CSMD1: variants seen among roughly 807,000 people sequenced by gnomAD.
CSMD1 encodes CUB and sushi domain-containing protein 1.
Under a neutral mutation model 417.5 loss-of-function variants are expected in CSMD1, and 213 were observed. That is an observed-to-expected ratio of 0.51 (90% CI 0.46 to 0.57). The LOEUF (loss-of-function observed/expected upper bound fraction) is 0.57. CSMD1 is among the 20% of genes least tolerant of loss of function. The pLI is 0.00. For missense variants in CSMD1, 6,923 were observed against 4,529.7 expected, an observed-to-expected ratio of 1.53 and a Z score of -15.17; for synonymous variants, 2,862 against 1,736.8, an observed-to-expected ratio of 1.65 and a Z score of -16.11.
chr8:3,614,813 T>A (rs1216396337), intron 8 of CSMD1, among the ~76,000 whole-genome samples: 1 of 152,140 alleles, frequency 6.6e-6, no homozygotes, highest in African/African-American at 2.4e-5. Flanking sequence ...ACACTCTCCA[T>A]TCTGGAGACG....
intron 30 of CSMD1, among the ~76,000 whole-genome samples, chr8:3,213,799 C>T (rs951117554): frequency 1.8e-4 from 27 of 150,314 alleles, no homozygotes; most frequent in African/African-American, 6.1e-4. Flanking sequence ...ATGTATGAGA[C>T]TCCATCTCAT....
chr8:3,186,615 A>G (rs577373246), intron 36 of CSMD1, among the ~76,000 whole-genome samples: 1 of 152,306 alleles, frequency 6.6e-6, no homozygotes, highest in East Asian at 1.9e-4. Flanking sequence ...TATTTTCTTT[A>G]TGTTTTTTAA....
chr8:4,109,753 G>A (rs1801754972), intron 3 of CSMD1, among the ~76,000 whole-genome samples: 1 of 152,140 alleles, frequency 6.6e-6, no homozygotes, highest in South Asian at 2.1e-4. Flanking sequence ...AAAGTGTCAT[G>A]TAACATAAGA....
chr8:4,839,955 T>G (rs551223568), intron 1 of CSMD1, among the ~76,000 whole-genome samples: 12 of 152,092 alleles, frequency 7.9e-5, no homozygotes, highest in Non-Finnish European at 1.3e-4. Flanking sequence ...AGACCAAAAG[T>G]CTTCAGTGTT....
intron 3 of CSMD1, among the ~76,000 whole-genome samples, chr8:4,387,994 A>G (rs537349663): frequency 2.0e-5 from 3 of 152,192 alleles, no homozygotes; most frequent in South Asian, 2.1e-4. Flanking sequence ...ATCATGTTAA[A>G]CACATAATTG....
intron 3 of CSMD1, among the ~76,000 whole-genome samples, chr8:4,283,340 C>T (rs775493439): frequency 2.0e-5 from 3 of 152,136 alleles, no homozygotes; most frequent in Non-Finnish European, 2.9e-5. Flanking sequence ...CACTGCTGCC[C>T]TGTATAAATG....
At chr8:4,676,508 C>T (rs889474507) in intron 1 of CSMD1, among the ~76,000 whole-genome samples, 5 of 152,174 alleles carry the variant, frequency 3.3e-5, no homozygotes, top group South Asian at 4.1e-4. Flanking sequence ...TTTTGCCTTC[C>T]GAATATATCT....
chr8:3,373,137 A>C (rs967882349), intron 18 of CSMD1, among the ~76,000 whole-genome samples: 3 of 152,224 alleles, frequency 2.0e-5, no homozygotes, highest in Non-Finnish European at 2.9e-5. Context: ...TAAACTGATA[A>C]AATTAATTCA....
chr8:4,672,835 G>C (rs562079274), intron 1 of CSMD1, among the ~76,000 whole-genome samples: 21 of 151,774 alleles, frequency 1.4e-4, no homozygotes, highest in African/African-American at 4.8e-4. Flanking sequence ...ACACACTCCC[G>C]TATGTAGTGA....
chr8:3,414,687 G>T (rs1813018059), intron 12 of CSMD1, among the ~76,000 whole-genome samples: 1 of 152,170 alleles, frequency 6.6e-6, no homozygotes, highest in Non-Finnish European at 1.5e-5. Context: ...GAACATCGCT[G>T]TTTTCTCCTA....
intron 3 of CSMD1, among the ~76,000 whole-genome samples, chr8:4,260,465 T>A (rs1017514773): frequency 2.6e-5 from 4 of 152,148 alleles, no homozygotes; most frequent in African/African-American, 7.2e-5. Flanking sequence ...GGGATGTTAG[T>A]GAACATTGTT....
At chr8:3,368,007 C>T (rs780783600) in intron 19 of CSMD1, among the ~76,000 whole-genome samples, 8 of 152,108 alleles carry the variant, frequency 5.3e-5, no homozygotes, top group African/African-American at 1.2e-4. Flanking sequence ...GTTTTAGATG[C>T]CCGTAAAGCA....
At chr8:4,987,152 A>G (rs1399750290) in intron 1 of CSMD1, among the ~76,000 whole-genome samples, 2 of 152,166 alleles carry the variant, frequency 1.3e-5, no homozygotes, top group Non-Finnish European at 2.9e-5. Flanking sequence ...ATTACCTGGG[A>G]TGGGCGTGGG....
intron 3 of CSMD1, among the ~76,000 whole-genome samples, chr8:4,380,075 T>C (rs942151753): frequency 5.9e-5 from 9 of 152,204 alleles, no homozygotes; most frequent in African/African-American, 1.9e-4. Flanking sequence ...AGATAAATGA[T>C]TGGGATAAAA....
At chr8:4,103,803 G>A (rs866454930) in intron 3 of CSMD1, among the ~76,000 whole-genome samples, 3 of 152,034 alleles carry the variant, frequency 2.0e-5, no homozygotes, top group African/African-American at 7.2e-5. Context: ...TGACAGAAAG[G>A]GTAAATTCCA....
chr8:3,257,867 C>T (rs559285230), intron 26 of CSMD1, among the ~76,000 whole-genome samples: 1 of 152,122 alleles, frequency 6.6e-6, no homozygotes, highest in East Asian at 1.9e-4. Context: ...ACTCAGTGAT[C>T]CAGGGGCCAT....
chr8:4,136,543 G>T (rs1026607423), intron 3 of CSMD1, among the ~76,000 whole-genome samples: 1 of 152,156 alleles, frequency 6.6e-6, no homozygotes, highest in Non-Finnish European at 1.5e-5. Context: ...ATGACTCTCA[G>T]CAAAAGATGC....
intron 1 of CSMD1, among the ~76,000 whole-genome samples, chr8:4,924,813 T>C (rs1429065680): frequency 6.6e-6 from 1 of 152,086 alleles, no homozygotes; most frequent in Non-Finnish European, 1.5e-5. Context: ...CATATTGTTT[T>C]CATTTGTCAT....
chr8:3,348,304 G>T, intron 21 of CSMD1, 143 bp from the exon 22 acceptor site: 3 of 612,736 alleles, frequency 4.9e-6, no homozygotes, highest in Non-Finnish European at 5.2e-6. Context: ...ATAGATCAGT[G>T]ATTTTTTTTT....
Sources: gnomAD v4.1 joint callset for allele counts (sites outside exome capture counted in the v4.1 genomes callset) on GRCh38, gnomAD v4.1.1 for gene constraint, MANE v1.5 for transcripts, NCBI Gene and HGNC (gene_info 2026-07-23, HGNC 2026-07-21) for gene names.